Variants in GTF3C2 observed in about 807,000 individuals in gnomAD.
The protein encoded by GTF3C2 is general transcription factor 3C polypeptide 2.
A neutral mutation model predicts 117.4 loss-of-function variants in GTF3C2; 17 were observed. The observed-to-expected ratio is 0.14, with a 90% confidence interval of 0.10 to 0.22. The LOEUF (loss-of-function observed/expected upper bound fraction) is 0.22. Ranked by LOEUF, GTF3C2 falls within the 10% of genes least tolerant of loss-of-function variation. The probability of loss-of-function intolerance (pLI) is 1.00; values close to 1 mark genes in which losing one functional copy is unlikely to be tolerated. For synonymous variants in GTF3C2, 437 were observed against 427.0 expected, an observed-to-expected ratio of 1.02 and a Z score of -0.29; for missense variants, 888 against 1,143.6, an observed-to-expected ratio of 0.78 and a Z score of 3.22.
intron 2 of GTF3C2, 75 bp from the exon 3 acceptor site, chr2:27,343,222 G>A (rs1191969621): frequency 1.3e-5 from 20 of 1,527,248 alleles, no homozygotes; most frequent in African/African-American, 6.9e-5. Flanking sequence ...ACTGTACCCA[G>A]GTTTGTAAGA....
chr2:27,330,845 C>A (rs2148253255), intron 12 of GTF3C2, among the ~76,000 whole-genome samples: 1 of 152,178 alleles, frequency 6.6e-6, no homozygotes, highest in South Asian at 2.1e-4. Context: ...ACCTGTAATC[C>A]CTGCTACTCA....
intron 10 of GTF3C2, among the ~76,000 whole-genome samples, chr2:27,334,808 A>G (rs1046250670): frequency 7.2e-5 from 11 of 151,970 alleles, no homozygotes; most frequent in Non-Finnish European, 1.5e-4. Flanking sequence ...ATGTTCGGCT[A>G]CTTTTAAAAA....
chr2:27,348,799 A>T lies in GTF3C2; in HGVS notation c.-24-5221T>A, dbSNP rs193096839. Among the ~76,000 whole-genome samples the T allele has an allele frequency of 2.6e-5, 4 of 152,308 alleles. No homozygotes were observed. In the East Asian group the frequency reaches 7.7e-4, roughly 29 times the overall value. ...ACAGAGCAAGATGCTATCTCAAAAG[A>T]AAAAATAATAAAGATTTGGTTTGAT... On this transcript the variant is annotated intron_variant, in intron 1 of 18. Coordinates refer to ENST00000264720, the Ensembl canonical transcript of GTF3C2.
exon 2 of GTF3C2, chr2:27,343,390 G>A (rs764415890): frequency 6.8e-6 from 11 of 1,613,600 alleles, no homozygotes; most frequent in African/African-American, 5.3e-5. Context: ...CAGGCAAAGG[G>A]GTAGGTAATG....
chr2:27,349,273 G>A (rs1434831267), intron 1 of GTF3C2, among the ~76,000 whole-genome samples: 2 of 149,586 alleles, frequency 1.3e-5, no homozygotes, highest in Non-Finnish European at 3.0e-5. Flanking sequence ...TCAGCCTCCC[G>A]AGTAGCTGGG....
At chr2:27,346,756 G>A (rs1680931387) in intron 1 of GTF3C2, among the ~76,000 whole-genome samples, 1 of 151,854 alleles carries the variant, frequency 6.6e-6, no homozygotes, top group Non-Finnish European at 1.5e-5. Flanking sequence ...ATGTGGTGGT[G>A]TGATCACAGC....
At chr2:27,336,074 G>A (rs746451314) in intron 8 of GTF3C2, 46 bp from the exon 9 acceptor site, 118 of 1,432,484 alleles carry the variant, frequency 8.2e-5, no homozygotes, top group Middle Eastern at 1.7e-4. Context: ...AAGAAGGGAC[G>A]CAGGGCTGCC....
At chr2:27,338,252 C>T (rs1680568178) in intron 4 of GTF3C2, 1 of 508,550 alleles carries the variant, frequency 2.0e-6, no homozygotes, top group East Asian at 3.6e-5. Flanking sequence ...TGTTCAGCTT[C>T]CTCAACATCT....
At chr2:27,327,074 A>T (rs981815130) in intron 18 of GTF3C2, 103 bp downstream of exon 18, 1 of 699,846 alleles carries the variant, frequency 1.4e-6, no homozygotes, top group Admixed American at 2.6e-5. Flanking sequence ...CTGGAGGAGG[A>T]GGAGGTTGTC....
chr2:27,333,728 C>T, exon 12 of GTF3C2: 1 of 1,611,000 alleles, frequency 6.2e-7, no homozygotes, highest in Non-Finnish European at 8.5e-7. Context: ...ACTGACCACA[C>T]TCAGAGGGGT....
chr2:27,326,686 G>A lies in GTF3C2; in HGVS notation c.2725C>T (p.Pro909Ser), dbSNP rs961551574. 1.9e-6 allele frequency: 3 copies of A among 1,612,880 alleles called. No homozygotes were observed. Among genetic ancestry groups the A allele is most frequent in the Admixed American group, 1.7e-5 (1 of 59,962 alleles). ...GGTGTGGGCCAAGGCTAGGGAGTGG[G>A]CAGAAGGCGATGGCTGGTTGGAGAG... The change falls in exon 19 of 19, where the codon CCC (proline) becomes TCC (serine). Residue 909 changes from proline (P) to serine (S), a missense_variant. Physicochemically the swap from Pro to Ser is moderately conservative, Grantham distance 74. Transcript: ENST00000264720.
At position 27,329,591 on chromosome 2, in the gene GTF3C2, C is replaced by A; in HGVS notation, c.1733-68G>T. 6.6e-7 allele frequency: 1 copy of A among 1,510,606 alleles called. No homozygotes were observed. The highest frequency in any genetic ancestry group is 1.7e-5 in the Admixed American group (1 of 57,352). The allele number at this position is 1,510,606 out of a possible 1,614,324, so 93.6% of individuals were successfully genotyped here. On this transcript the variant is annotated intron_variant, in intron 12 of 18. Coordinates refer to ENST00000264720, the Ensembl canonical transcript of GTF3C2. This position sits in a 1 kb window ranked among gnomAD's most constrained non-coding sequence, Gnocchi z 4.5. ...CTCTTCCTTGCTCTAATTTCTTTCT[C>A]TGGGCTCCTAGGACCTTTGTCTTCT...
chr2:27,330,134 C>A (rs1324559345), intron 12 of GTF3C2, among the ~76,000 whole-genome samples: 1 of 135,782 alleles, frequency 7.4e-6, no homozygotes, highest in African/African-American at 2.9e-5. Flanking sequence ...AGAGCAGACT[C>A]CGTCTCAAAA....
intron 12 of GTF3C2, among the ~76,000 whole-genome samples, chr2:27,330,953 G>T (rs1680254464): frequency 1.3e-5 from 2 of 151,970 alleles, no homozygotes; most frequent in African/African-American, 2.4e-5. Context: ...CACAGACCCT[G>T]TCTCAAAAAA....
rs140411381 is a variant in GTF3C2 at position 27,327,065 on chromosome 2, TGGA to T, written c.2517+109_2517+111del. ...TGAATGAGGTACGTCTGTCATGCTC[TGGA>T]GGAGGAGGAGGTTGTCATCTGTGTA... On this transcript the variant is annotated intron_variant, in intron 18 of 18. Transcript: ENST00000264720. 1,859 of 687,426 alleles carry T rather than the reference TGGA, an allele frequency of 2.7e-3. 3 individuals carry two copies. The highest frequency in any genetic ancestry group is 4.1e-3 in the Admixed American group (155 of 38,060). 42.6% of individuals were successfully genotyped at this position (687,426 alleles called of 1,614,324 possible).
At chr2:27,331,028 CAG>C (rs1215684806) in intron 12 of GTF3C2, among the ~76,000 whole-genome samples, 2 of 152,088 alleles carry the variant, frequency 1.3e-5, no homozygotes, top group Non-Finnish European at 2.9e-5. Context: ...CTGAGCCACT[CAG>C]GGAATGAATG....
intron 1 of GTF3C2, among the ~76,000 whole-genome samples, chr2:27,355,330 G>C (rs1681298273): frequency 6.6e-6 from 1 of 152,138 alleles, no homozygotes; most frequent in Non-Finnish European, 1.5e-5. Flanking sequence ...AGACCAGCCT[G>C]ACCAACATGG....
At chr2:27,337,733 G>A in intron 5 of GTF3C2, 175 bp from the exon 6 acceptor site, 1 of 685,744 alleles carries the variant, frequency 1.5e-6, no homozygotes, top group South Asian at 1.7e-5. Flanking sequence ...GAGAAACAGA[G>A]CCTTTCATTT....
intron 1 of GTF3C2, among the ~76,000 whole-genome samples, chr2:27,353,574 G>A (rs1681217452): frequency 6.6e-6 from 1 of 151,986 alleles, no homozygotes; most frequent in South Asian, 2.1e-4. Flanking sequence ...GAGTAGCTGG[G>A]ATTACAGGCA....
Sources: gnomAD v4.1 joint callset for allele counts (sites outside exome capture counted in the v4.1 genomes callset) on GRCh38, gnomAD v4.1.1 for gene constraint, Gnocchi (gnomAD v3.1) non-coding constraint, MANE v1.5 for transcripts, NCBI Gene and HGNC (gene_info 2026-07-23, HGNC 2026-07-21) for gene names.